Variants in AMMECR1 observed in about 807,000 individuals in gnomAD.
AMMECR1 encodes the protein nuclear protein AMMECR1.
AMMECR1 carries 3 observed loss-of-function variants against 22.5 expected under a neutral mutation model. The ratio of observed to expected loss-of-function variants is 0.13; its 90% CI spans 0.06 to 0.35. The LOEUF is 0.35. AMMECR1 is among the 10% of genes least tolerant of loss of function. The probability of loss-of-function intolerance (pLI) is 1.00; values close to 1 mark genes in which losing one functional copy is unlikely to be tolerated. For missense variants in AMMECR1, 235 were observed against 278.7 expected (o/e 0.84, Z 1.12); for synonymous variants, 130 against 116.7 (o/e 1.11, Z -0.74).
At position 110,312,960 on chromosome X, in the gene AMMECR1, G is replaced by A. The variant is rs2068030679; in HGVS notation, c.473+4639C>T. 2.7e-5 allele frequency among the ~76,000 whole-genome samples: 3 copies of A among 112,301 alleles called. No individual in the cohort carries two copies. The South Asian group carries it at 1.1e-3, about 41-fold the overall frequency. Reference sequence around the variant, plus strand: ...TCTGCGATAGACAGATACATCTTCTGGCTATTCTGGTCAATCTTCATCAGA... The same window carrying A: ...TCTGCGATAGACAGATACATCTTCTAGCTATTCTGGTCAATCTTCATCAGA... On this transcript the variant is annotated intron_variant, in intron 1 of 5. Transcript: ENST00000262844.
At chrX:110,267,370 T>A (rs927548822) in intron 1 of AMMECR1, among the ~76,000 whole-genome samples, 12 of 109,663 alleles carry the variant, frequency 1.1e-4, no homozygotes, top group African/African-American at 4.0e-4. Context: ...TTTTTAATGA[T>A]CGCCATCCTG....
At chrX:110,415,061 G>A (rs2068667702) in intron 2 of AMMECR1, among the ~76,000 whole-genome samples, 1 of 111,966 alleles carries the variant, frequency 8.9e-6, no homozygotes, top group South Asian at 3.8e-4. Context: ...GTTTATCCCA[G>A]TGTGTTATAA....
chrX:110,384,036 A>G (rs1238573115), intron 2 of AMMECR1, among the ~76,000 whole-genome samples: 1 of 112,108 alleles, frequency 8.9e-6, no homozygotes, highest in African/African-American at 3.2e-5. Flanking sequence ...GTTAGTAAAT[A>G]TTATACATCA....
At chrX:110,391,569 T>A (rs139414489) in intron 2 of AMMECR1, among the ~76,000 whole-genome samples, 2,274 of 112,196 alleles carry the variant, frequency 0.02, 48 homozygotes, top group African/African-American at 0.069. Context: ...AGGCTACGAC[T>A]CTATGGCAGT....
chrX:110,370,314 T>C (rs2068329100), intron 2 of AMMECR1, among the ~76,000 whole-genome samples: 1 of 111,793 alleles, frequency 8.9e-6, no homozygotes, highest in Admixed American at 9.4e-5. Context: ...GTTCAAGCAA[T>C]TGTCCTGCCT....
chrX:110,357,797 C>T (rs1451977371), intron 2 of AMMECR1, among the ~76,000 whole-genome samples: 1 of 111,704 alleles, frequency 9.0e-6, no homozygotes, highest in Non-Finnish European at 1.9e-5. Context: ...TACATACCCA[C>T]ATTGTGTGGG....
chrX:110,313,778 T>C (rs2068035055), intron 1 of AMMECR1, among the ~76,000 whole-genome samples: 1 of 111,625 alleles, frequency 9.0e-6, no homozygotes, highest in Non-Finnish European at 1.9e-5. Context: ...CCTCAGACTC[T>C]TATACTCTCG....
chrX:110,318,544 C>T (rs959865404), upstream of AMMECR1, among the ~76,000 whole-genome samples: 1 of 110,400 alleles, frequency 9.1e-6, no homozygotes, highest in African/African-American at 3.3e-5. Context: ...GGTCCCAAAG[C>T]ACAGCTCAGT....
chrX:110,366,888 C>T (rs760548670), intron 2 of AMMECR1, among the ~76,000 whole-genome samples: 13 of 111,971 alleles, frequency 1.2e-4, no homozygotes, highest in African/African-American at 4.2e-4. Flanking sequence ...TTGAATGCTC[C>T]TGGGTGGCTT....
At chrX:110,312,940 G>A (rs1205945145) in intron 1 of AMMECR1, among the ~76,000 whole-genome samples, 3 of 112,498 alleles carry the variant, frequency 2.7e-5, no homozygotes, top group Non-Finnish European at 1.9e-5. Flanking sequence ...CATCATCTGC[G>A]ATAGACAGAT....
At chrX:110,386,950 A>G (rs1044607521) in intron 2 of AMMECR1, among the ~76,000 whole-genome samples, 1 of 112,447 alleles carries the variant, frequency 8.9e-6, no homozygotes, top group African/African-American at 3.2e-5. Context: ...AACAGAAAAG[A>G]TGCCACAGAG....
At chrX:110,217,536 C>T (rs2067480264) in intron 2 of AMMECR1, among the ~76,000 whole-genome samples, 1 of 108,785 alleles carries the variant, frequency 9.2e-6, no homozygotes. Flanking sequence ...CACACACACA[C>T]ACACAGTGTG....
chrX:110,384,405 A>G (rs2068440633), intron 2 of AMMECR1, among the ~76,000 whole-genome samples: 2 of 111,675 alleles, frequency 1.8e-5, no homozygotes, highest in Admixed American at 1.9e-4. Flanking sequence ...TGATAATAAG[A>G]GTACCTACCT....
At chrX:110,241,332 G>A (rs750725536) in intron 2 of AMMECR1, among the ~76,000 whole-genome samples, 1 of 111,379 alleles carries the variant, frequency 9.0e-6, no homozygotes, top group Non-Finnish European at 1.9e-5. Flanking sequence ...TAGATAGACC[G>A]CTAGCCAGAC....
At chrX:110,327,938 A>G (rs914480769) in intron 2 of AMMECR1, among the ~76,000 whole-genome samples, 7 of 111,988 alleles carry the variant, frequency 6.3e-5, no homozygotes, top group Non-Finnish European at 9.4e-5. Flanking sequence ...GAAAAGAATG[A>G]TAACTGATCC....
chrX:110,332,186 A>G (rs1327263747), intron 2 of AMMECR1, among the ~76,000 whole-genome samples: 2 of 111,593 alleles, frequency 1.8e-5, no homozygotes, highest in Non-Finnish European at 3.8e-5. Context: ...TACTCTCCAT[A>G]AAGGGCATTC....
intron 2 of AMMECR1, among the ~76,000 whole-genome samples, chrX:110,404,789 C>T (rs1050517106): frequency 3.6e-5 from 4 of 111,626 alleles, no homozygotes; most frequent in Admixed American, 9.5e-5. Flanking sequence ...TTAAGTTAAA[C>T]TCACTAATTA....
intron 1 of AMMECR1, among the ~76,000 whole-genome samples, chrX:110,276,440 A>C (rs2067826882): frequency 8.9e-6 from 1 of 112,091 alleles, no homozygotes; most frequent in Non-Finnish European, 1.9e-5. Context: ...TATGCCAGAT[A>C]TTATAATCAT....
chrX:110,215,250 T>C (rs923854531), intron 3 of AMMECR1, among the ~76,000 whole-genome samples: 1 of 112,070 alleles, frequency 8.9e-6, no homozygotes, highest in Non-Finnish European at 1.9e-5. Context: ...GACTCTAGCA[T>C]TGTACTCTCT....
Sources: gnomAD v4.1 joint callset for allele counts (sites outside exome capture counted in the v4.1 genomes callset) on GRCh38, gnomAD v4.1.1 for gene constraint, MANE v1.5 for transcripts, NCBI Gene and HGNC (gene_info 2026-07-23, HGNC 2026-07-21) for gene names.